Variants in DMD observed in about 807,000 individuals in gnomAD.
The protein encoded by DMD is dystrophin.
In DMD, 63 loss-of-function variants were observed where a neutral mutation model predicts 330.1. That is an observed-to-expected ratio of 0.19 (90% CI 0.16 to 0.24). DMD has a LOEUF of 0.24. DMD is among the 10% of genes least tolerant of loss of function. The pLI is 1.00. For missense variants in DMD, 3,344 were observed against 2,684.1 expected, an observed-to-expected ratio of 1.25 and a Z score of -5.43; for synonymous variants, 1,223 against 959.8, an observed-to-expected ratio of 1.27 and a Z score of -5.07.
At chrX:33,125,023 T>TAAAA (rs59232009) in intron 1 of DMD, among the ~76,000 whole-genome samples, 1 of 27,862 alleles carries the variant, frequency 3.6e-5, no homozygotes, top group Non-Finnish European at 6.4e-5. Flanking sequence ...AAAGTCCATC[T>TAAAA]AAAAAAAAAA....
rs548846514 is a variant in DMD, at chrX:31,648,617, C to CAAAAAAAAAAAAAAAAAAAAAAAAAA, written c.8027+9347_8027+9372dup. On this transcript the variant is annotated intron_variant, in intron 54 of 78. Transcript: ENST00000357033. ...TTCCCTACGGGGTGAAAGGGAGCTGCAAAAAAAAAAAAAAAAAAAAAAAAA... is the reference window on the plus strand; with the variant it reads ...TTCCCTACGGGGTGAAAGGGAGCTGCAAAAAAAAAAAAAAAAAAAAAAAAAAAAAAAAAAAAAAAAAAAAAAAAAAA... Among the ~76,000 whole-genome samples the CAAAAAAAAAAAAAAAAAAAAAAAAAA allele has an allele frequency of 1.1e-4, 2 of 18,984 alleles. 1 individual carries two copies. Among genetic ancestry groups the CAAAAAAAAAAAAAAAAAAAAAAAAAA allele is most frequent in the Non-Finnish European group, 1.7e-4 (2 of 11,882 alleles). The allele number at this position is 18,984 out of a possible 115,157, so 16.5% of individuals were successfully genotyped here. A position where few individuals can be genotyped will look rare whatever the true frequency, so the allele number is the denominator to read the frequency against.
At chrX:31,293,864 G>A (rs751446260) in intron 62 of DMD, among the ~76,000 whole-genome samples, 75 of 111,379 alleles carry the variant, frequency 6.7e-4, no homozygotes, top group Non-Finnish European at 1.2e-3. Flanking sequence ...GCTAAAGAAA[G>A]GACATAATAG....
chrX:32,740,311 A>G (rs61022203), intron 7 of DMD, among the ~76,000 whole-genome samples: 1,596 of 110,298 alleles, frequency 0.014, 29 homozygotes, highest in African/African-American at 0.049. Context: ...TTATAGATGC[A>G]TAATGTAGTG....
At chrX:32,008,639 A>T (rs865813420) in intron 44 of DMD, among the ~76,000 whole-genome samples, 1 of 97,941 alleles carries the variant, frequency 1.0e-5, no homozygotes, top group African/African-American at 3.4e-5. Flanking sequence ...AACATTTTTT[A>T]AAACTGTAGA....
chrX:32,664,402 C>CTT (rs1569423466), intron 9 of DMD, among the ~76,000 whole-genome samples: 1 of 109,512 alleles, frequency 9.1e-6, no homozygotes, highest in Non-Finnish European at 1.9e-5. Flanking sequence ...CCACCACGGC[C>CTT]GGCAAATTTT....
chrX:32,777,780 A>G (rs1201799875), intron 7 of DMD, among the ~76,000 whole-genome samples: 1 of 112,691 alleles, frequency 8.9e-6, no homozygotes, highest in Non-Finnish European at 1.9e-5. Flanking sequence ...ACTTAAGGAA[A>G]GAGCTATCTT....
At chrX:32,256,740 T>A (rs919656949) in intron 43 of DMD, among the ~76,000 whole-genome samples, 1 of 111,620 alleles carries the variant, frequency 9.0e-6, no homozygotes, top group African/African-American at 3.3e-5. Flanking sequence ...TTTGCTTGTC[T>A]GTAAAGGATT....
At chrX:32,378,214 G>A (rs761654881) in intron 34 of DMD, among the ~76,000 whole-genome samples, 40 of 109,882 alleles carry the variant, frequency 3.6e-4, no homozygotes, top group African/African-American at 1.1e-3. Context: ...GAAGCTTGGC[G>A]CCAATTTGTG....
intron 4 of DMD, among the ~76,000 whole-genome samples, chrX:32,840,793 A>G: frequency 8.9e-6 from 1 of 112,391 alleles, no homozygotes; most frequent in East Asian, 2.8e-4. Flanking sequence ...GTAATATCCC[A>G]TCATGAGAAT....
At chrX:32,244,299 T>C (rs2097221994) in intron 43 of DMD, among the ~76,000 whole-genome samples, 1 of 103,305 alleles carries the variant, frequency 9.7e-6, no homozygotes, top group Non-Finnish European at 2.0e-5. Context: ...CTCATCATTT[T>C]TTCTGGCTGC....
At chrX:32,445,581 A>G (rs777167777) in intron 27 of DMD, among the ~76,000 whole-genome samples, 13 of 111,067 alleles carry the variant, frequency 1.2e-4, no homozygotes, top group African/African-American at 3.9e-4. Flanking sequence ...AAGTGAATAA[A>G]AAGTAATGAG....
intron 17 of DMD, among the ~76,000 whole-genome samples, chrX:32,536,283 A>AAAAC (rs2047970971): frequency 9.7e-6 from 1 of 102,908 alleles, no homozygotes. Context: ...AAAAAAAAAA[A>AAAAC]AAAAACACAC....
chrX:32,907,743 T>TAATAGTAATTAATTGAC (rs1188548105), intron 2 of DMD, among the ~76,000 whole-genome samples: 17 of 112,411 alleles, frequency 1.5e-4, no homozygotes, highest in Non-Finnish European at 2.4e-4. Flanking sequence ...AAAATTCATA[T>TAATAGTAATTAATTGAC]AATAGTAATT....
chrX:31,568,060 C>T (rs1394145150), intron 55 of DMD, among the ~76,000 whole-genome samples: 1 of 111,504 alleles, frequency 9.0e-6, no homozygotes, highest in Non-Finnish European at 1.9e-5. Context: ...AGGTGTGCTG[C>T]TTCATTTCCA....
At chrX:32,651,819 A>G (rs1437565874) in intron 9 of DMD, among the ~76,000 whole-genome samples, 2 of 112,623 alleles carry the variant, frequency 1.8e-5, no homozygotes, top group Admixed American at 9.4e-5. Flanking sequence ...TTTTAAAAAC[A>G]TAAACAGAAA....
rs756865847 is a variant in DMD, at chrX:31,178,816, G to T, written c.10087-11C>A. Reference sequence around the variant, plus strand: ...TTCTCCTGATGTAGTCTAAAAGGGAGATCATGGTGAGATCAGATTTAGGAC... The same window carrying T: ...TTCTCCTGATGTAGTCTAAAAGGGATATCATGGTGAGATCAGATTTAGGAC... On this transcript the variant is annotated splice_polypyrimidine_tract_variant and intron_variant, in intron 69 of 78. Coordinates refer to ENST00000357033, the MANE Select transcript of DMD (RefSeq NM_004006.3). 1 of 1,208,935 alleles carries T rather than the reference G, an allele frequency of 8.3e-7. No individual in the cohort carries two copies. Among genetic ancestry groups the T allele is most frequent in the Non-Finnish European group, 1.1e-6 (1 of 893,347 alleles).
intron 44 of DMD, among the ~76,000 whole-genome samples, chrX:32,131,449 T>C (rs2096694002): frequency 1.8e-5 from 2 of 111,390 alleles, no homozygotes; most frequent in African/African-American, 6.5e-5. Flanking sequence ...AGGTTCTAGA[T>C]CACATAGCAT....
chrX:31,512,548 C>T (rs1371370743), intron 55 of DMD, among the ~76,000 whole-genome samples: 69 of 104,564 alleles, frequency 6.6e-4, no homozygotes, highest in African/African-American at 2.3e-3. Context: ...CAGCTTTCTA[C>T]ATATGGCTAG....
chrX:32,988,115 T>C (rs2092893697), intron 2 of DMD, among the ~76,000 whole-genome samples: 1 of 110,826 alleles, frequency 9.0e-6, no homozygotes, highest in Admixed American at 9.7e-5. Context: ...CACAACCACA[T>C]TGAATGGAGA....
Sources: gnomAD v4.1 joint callset for allele counts (sites outside exome capture counted in the v4.1 genomes callset) on GRCh38, gnomAD v4.1.1 for gene constraint, MANE v1.5 for transcripts, NCBI Gene and HGNC (gene_info 2026-07-23, HGNC 2026-07-21) for gene names.